Variants in ACACB observed in about 807,000 individuals in gnomAD.
ACACB encodes the protein acetyl-CoA carboxylase beta.
ACACB carries 209 observed loss-of-function variants against 278.8 expected under a neutral mutation model. The observed-to-expected ratio is 0.75, with a 90% CI of 0.67 to 0.84. The LOEUF is 0.84. ACACB is among the 40% of genes least tolerant of loss of function. The pLI is 0.00. For synonymous variants in ACACB, 1,174 were observed against 1,285.6 expected (o/e 0.91, Z 1.86); for missense variants, 2,850 against 3,269.0 (o/e 0.87, Z 3.13).
Position 109,246,326 on chromosome 12 carries a change from G to A in ACACB, c.5449G>A (p.Ala1817Thr). 2 of 1,612,932 alleles carry A rather than the reference G, an allele frequency of 1.2e-6. No homozygotes were observed. Among genetic ancestry groups the A allele is most frequent in the East Asian group, 2.2e-5 (1 of 44,842 alleles). ...TCTGTACCTGCGGGCATCCGAGATG[G>A]CCCGGGCAGAGGGCATTCCCAAAAT... Reference protein sequence around the residue: ...DLLYLRASEMARAEGIPKIYV... With the variant: ...DLLYLRASEMTRAEGIPKIYV... Residue 1817 changes from alanine to threonine, a missense_variant, in exon 39 of 53, where the codon GCC (alanine) becomes ACC (threonine). Ala to Thr is a moderately conservative substitution (Grantham distance 58). Coordinates refer to ENST00000338432, the MANE Select transcript of ACACB (RefSeq NM_001093.4).
intron 22 of ACACB, among the ~76,000 whole-genome samples, chr12:109,213,847 GC>G (rs1485358121): frequency 2.0e-5 from 3 of 151,534 alleles, no homozygotes; most frequent in South Asian, 2.1e-4. Context: ...TGATCCCCCT[GC>G]CTCGGCCTCC....
intron 52 of ACACB, 137 bp downstream of exon 52, chr12:109,265,662 G>T (rs1472804043): frequency 3.7e-6 from 4 of 1,079,842 alleles, no homozygotes; most frequent in Admixed American, 2.2e-5. Context: ...CCCCCTCCCC[G>T]CTCCCCAGCA....
intron 26 of ACACB, 30 bp downstream of exon 26, chr12:109,222,942 G>A (rs1172114393): frequency 6.5e-7 from 1 of 1,541,710 alleles, no homozygotes; most frequent in Non-Finnish European, 8.9e-7. Flanking sequence ...TTCACCATCT[G>A]CAGAGCACAC....
At chr12:109,209,071 C>T in intron 20 of ACACB, 94 bp from the exon 21 acceptor site, 1 of 1,387,260 alleles carries the variant, frequency 7.2e-7, no homozygotes, top group Non-Finnish European at 9.8e-7. Flanking sequence ...TGCATGGGGT[C>T]AGGATGGGTT....
chr12:109,211,012 C>G (rs915189180), intron 21 of ACACB, among the ~76,000 whole-genome samples: 1 of 150,652 alleles, frequency 6.6e-6, no homozygotes, highest in Non-Finnish European at 1.5e-5. Flanking sequence ...ATTTACACAT[C>G]GGCCTCGCGT....
chr12:109,240,582 A>G (rs2046766997), intron 35 of ACACB, among the ~76,000 whole-genome samples: 1 of 148,236 alleles, frequency 6.7e-6, no homozygotes, highest in African/African-American at 2.4e-5. Flanking sequence ...TAAAATATAT[A>G]AATGTATTTT....
intron 36 of ACACB, chr12:109,241,953 A>T (rs1367270384): frequency 6.4e-6 from 1 of 156,152 alleles, no homozygotes; most frequent in Non-Finnish European, 1.4e-5. Context: ...TGCCTGGTCT[A>T]TGCACTTTTT....
At chr12:109,227,100 G>C (rs1287529917) in intron 27 of ACACB, among the ~76,000 whole-genome samples, 1 of 152,080 alleles carries the variant, frequency 6.6e-6, no homozygotes, top group Non-Finnish European at 1.5e-5. Context: ...ACAGGCGCCT[G>C]CCACCATGCC....
intron 21 of ACACB, among the ~76,000 whole-genome samples, chr12:109,211,663 A>T (rs1202682192): frequency 6.6e-6 from 1 of 152,166 alleles, no homozygotes; most frequent in Non-Finnish European, 1.5e-5. Context: ...AGTGAGCGCT[A>T]ATGACTACAA....
intron 27 of ACACB, among the ~76,000 whole-genome samples, chr12:109,226,810 T>C (rs954478132): frequency 6.6e-6 from 1 of 152,116 alleles, no homozygotes; most frequent in Non-Finnish European, 1.5e-5. Context: ...CAAGATGATA[T>C]GTCCCACAAA....
chr12:109,184,870 C>A (rs1333229565), intron 11 of ACACB, among the ~76,000 whole-genome samples: 2 of 152,008 alleles, frequency 1.3e-5, no homozygotes, highest in African/African-American at 4.8e-5. Flanking sequence ...CCATGCCTGG[C>A]TAATGTTTTT....
In ACACB at chr12:109,237,200, T is replaced by C; in HGVS notation, c.4482T>C (p.Pro1494=). The change falls in exon 34 of 53, where the codon CCT becomes CCC. Residue 1494 remains proline (P), a synonymous_variant. Transcript: ENST00000338432. The part of the protein sequence containing the change: ...AEDRIYRHLE[P]ALAFQLELNR... ...ATCGCATTTACCGTCACTTGGAACC[T>C]GCCCTGGCCTTCCAGCTGGAACTTA... 6.2e-7 allele frequency: 1 copy of C among 1,614,188 alleles called. No individual in the cohort carries two copies. The highest frequency in any genetic ancestry group is 8.5e-7 in the Non-Finnish European group (1 of 1,180,042).
intron 1 of ACACB, among the ~76,000 whole-genome samples, chr12:109,119,606 T>A (rs560471908): frequency 2.7e-4 from 33 of 120,958 alleles, no homozygotes; most frequent in African/African-American, 4.9e-4. Context: ...AAAAAAAAAA[T>A]GATTTTGAGA....
In ACACB at chr12:109,187,999, G is replaced by C; in HGVS notation, c.1981G>C (p.Gly661Arg). 3.1e-6 allele frequency: 5 copies of C among 1,588,614 alleles called. No homozygotes were observed. Among genetic ancestry groups the C allele is most frequent in the Non-Finnish European group, 4.3e-6 (5 of 1,160,350 alleles). The change falls in exon 13 of 53, where the codon GGT (glycine) becomes CGT (arginine). Residue 661 changes from glycine to arginine, a missense_variant and splice_region_variant. This residue lies in a region of ACACB where 2,265 missense variants were observed against 2,561.3 expected (regional missense o/e 0.88). Coordinates refer to ENST00000338432, the MANE Select transcript of ACACB (RefSeq NM_001093.4). Reference sequence around the variant, plus strand: ...TTTGCATTTTCTGTCCGGACTCCAGGGTTTTAAGCCGAGCTCCGGGACTGT... The same window carrying C: ...TTTGCATTTTCTGTCCGGACTCCAGCGTTTTAAGCCGAGCTCCGGGACTGT... ...ARITSENPDE[G>R]FKPSSGTVQE...
In ACACB at chr12:109,233,842, T is replaced by A. The variant is rs1421935887; in HGVS notation, c.4234T>A (p.Cys1412Ser). The A allele has an allele frequency of 6.2e-7, 1 of 1,614,164 alleles. No homozygotes were observed. Reference sequence around the variant, plus strand: ...CACCTCCCTATACTCCGAGGATGACTGCAAGGTAAGCGTCTAAGCCCAGGG... The same window carrying A: ...CACCTCCCTATACTCCGAGGATGACAGCAAGGTAAGCGTCTAAGCCCAGGG... ...ARTSLYSEDD[C>S]KSLREEPIHI... The change falls in exon 30 of 53, where the codon TGC becomes AGC. Residue 1412 changes from cysteine (C) to serine (S), a missense_variant. Cys to Ser is a moderately radical substitution (Grantham distance 112). Around this residue, in one of 3 missense-constraint regions of ACACB, gnomAD observed 2,265 missense variants for 2,561.3 expected, o/e 0.88. Transcript: ENST00000338432.
intron 24 of ACACB, among the ~76,000 whole-genome samples, chr12:109,220,269 T>G (rs1175519000): frequency 6.6e-6 from 1 of 152,232 alleles, no homozygotes; most frequent in Non-Finnish European, 1.5e-5. Context: ...TCTTCTGACT[T>G]TCTTGGTCCC....
At chr12:109,155,228 C>T (rs527613601) in intron 2 of ACACB, among the ~76,000 whole-genome samples, 3 of 152,274 alleles carry the variant, frequency 2.0e-5, no homozygotes, top group African/African-American at 7.2e-5. Context: ...TGCGCAGGGG[C>T]ACGCCTTCCC....
chr12:109,180,180 C>G, intron 11 of ACACB, 93 bp downstream of exon 11: 1 of 1,344,682 alleles, frequency 7.4e-7, no homozygotes, highest in Non-Finnish European at 1.0e-6. Flanking sequence ...CATCTCTTGG[C>G]CGACTGTCCC....
chr12:109,160,221 C>A (rs973646404), intron 2 of ACACB, among the ~76,000 whole-genome samples: 1 of 152,134 alleles, frequency 6.6e-6, no homozygotes, highest in East Asian at 1.9e-4. Context: ...AGAGGGGCTT[C>A]CATTTATCTC....
Sources: gnomAD v4.1 joint callset for allele counts (sites outside exome capture counted in the v4.1 genomes callset) on GRCh38, gnomAD v4.1.1 for gene constraint, gnomAD v4.1.1 regional missense constraint, MANE v1.5 for transcripts, NCBI Gene and HGNC (gene_info 2026-07-23, HGNC 2026-07-21) for gene names.